The following EXT2 variants were observed in gnomAD, a reference collection of about 807,000 sequenced individuals.
EXT2 encodes exostosin glycosyltransferase 2, also known as exostosin-2.
In EXT2, 53 loss-of-function variants were observed where a neutral mutation model predicts 81.6. The ratio of observed to expected loss-of-function variants is 0.65; its 90% CI spans 0.52 to 0.82. EXT2 has a LOEUF of 0.82. EXT2 is among the 40% of genes least tolerant of loss of function. The pLI, the probability that EXT2 is intolerant of heterozygous loss-of-function variation, is 0.00. For missense variants in EXT2, 774 were observed against 910.2 expected (o/e 0.85, Z 1.93); for synonymous variants, 320 against 340.0 (o/e 0.94, Z 0.65).
In EXT2 at chr11:44,250,811, T is replaced by C. The variant is rs891053378; in HGVS notation, c.*6524T>C. On this transcript the variant is annotated 3_prime_UTR_variant, in exon 14 of 14. Transcript: ENST00000533608. ...GGCTTAATTTCAATAGAAAGGGTTA[T>C]ATGCAACCCTGTATCTGCTGATTTT... Among the ~76,000 whole-genome samples, 1 of 152,234 alleles carries C rather than the reference T, an allele frequency of 6.6e-6. No individual in the cohort carries two copies. The highest frequency in any genetic ancestry group is 1.9e-4 in the East Asian group (1 of 5,196).
rs764011677 is a variant in EXT2, at chr11:44,107,724, G to A, written c.12G>A (p.Ser4=). 1.4e-5 allele frequency: 22 copies of A among 1,614,118 alleles called. No individual in the cohort carries two copies. The highest frequency in any genetic ancestry group is 1.8e-5 in the Non-Finnish European group (21 of 1,180,014). The change falls in exon 2 of 14, where the codon TCG becomes TCA. Residue 4 remains serine (S), a synonymous_variant. Coordinates refer to ENST00000533608, the MANE Select transcript of EXT2 (RefSeq NM_207122.2). Reference sequence around the variant, plus strand: ...CTGTCTGTGTCATTATGTGTGCGTCGGTCAAGTATAATATCCGGGGTCCTG... The same window carrying A: ...CTGTCTGTGTCATTATGTGTGCGTCAGTCAAGTATAATATCCGGGGTCCTG... MCA[S]VKYNIRGPAL...
chr11:44,223,127 A>C (rs1598078), intron 10 of EXT2, among the ~76,000 whole-genome samples: 4 of 152,036 alleles, frequency 2.6e-5, no homozygotes, highest in African/African-American at 9.7e-5. Context: ...AAATACAAAC[A>C]GCAAATGCCA....
At chr11:44,184,380 T>G (rs541331938) in intron 8 of EXT2, among the ~76,000 whole-genome samples, 1 of 152,326 alleles carries the variant, frequency 6.6e-6, no homozygotes, top group Admixed American at 6.5e-5. Context: ...TTAAAGTAAG[T>G]GCTCTTTCCA....
Position 44,206,816 on chromosome 11 carries a change from G to A in EXT2, c.1519G>A (p.Val507Ile), listed in dbSNP as rs567445428. 1.1e-4 allele frequency: 181 copies of A among 1,613,978 alleles called. 1 individual carries two copies. In the South Asian group the frequency reaches 1.9e-3, roughly 17 times the overall value. ...AGATTCTCTCTGGCCCAAAATCCGG[G>A]TTCCATTAAAAGTTGTGAGGACTGC... The part of the protein sequence containing the change: ...PEDSLWPKIR[V>I]PLKVVRTAEN... Residue 507 changes from valine to isoleucine, a missense_variant, in exon 10 of 14, where the codon GTT becomes ATT. Physicochemically the swap from Val to Ile is conservative, Grantham distance 29. This residue lies in a region of EXT2 where 626 missense variants were observed against 670.5 expected (regional missense o/e 0.93). Coordinates refer to ENST00000533608, the MANE Select transcript of EXT2 (RefSeq NM_207122.2).
In EXT2 at chr11:44,198,045, C is replaced by A. The variant is rs202210932; in HGVS notation, c.1495+27C>A. 1.1e-4 allele frequency: 183 copies of A among 1,612,734 alleles called. 1 individual carries two copies. In the African/African-American group the frequency reaches 2.2e-3, roughly 20 times the overall value. On this transcript the variant is annotated intron_variant, in intron 9 of 13. Coordinates refer to ENST00000533608, the MANE Select transcript of EXT2 (RefSeq NM_207122.2). ...TAAGAAGCCTTAGTGCCTCTCTCAG[C>A]TGGATCAATTTTGGATGGCCAAATT... is the stretch of plus-strand genomic sequence containing the variant.
chr11:44,115,458 G>T (rs1445836784), intron 4 of EXT2, among the ~76,000 whole-genome samples: 4 of 152,174 alleles, frequency 2.6e-5, no homozygotes, highest in African/African-American at 9.7e-5. Context: ...TGTGCAGCAT[G>T]GATGTAACCT....
At chr11:44,147,218 C>A (rs1385326024) in intron 7 of EXT2, among the ~76,000 whole-genome samples, 2 of 152,144 alleles carry the variant, frequency 1.3e-5, no homozygotes, top group Non-Finnish European at 1.5e-5. Flanking sequence ...AAGAAGAAAT[C>A]TTTTCAGCAA....
chr11:44,097,209 A>G (rs542900500), intron 1 of EXT2, among the ~76,000 whole-genome samples: 1 of 152,360 alleles, frequency 6.6e-6, no homozygotes, highest in Non-Finnish European at 1.5e-5. Context: ...AGACCCTGGC[A>G]TGTAGTAAGT....
chr11:44,114,055 T>C, intron 3 of EXT2, 130 bp from the exon 4 acceptor site: 2 of 848,260 alleles, frequency 2.4e-6, no homozygotes, highest in Non-Finnish European at 4.0e-6. Context: ...ATTGTCTTTA[T>C]AGAAAACTGA....
At chr11:44,183,832 A>G (rs1306831984) in intron 8 of EXT2, among the ~76,000 whole-genome samples, 1 of 152,026 alleles carries the variant, frequency 6.6e-6, no homozygotes, top group African/African-American at 2.4e-5. Flanking sequence ...TTTTTCTCAC[A>G]TTTTTAATTC....
At chr11:44,212,846 C>T (rs868700511) in intron 10 of EXT2, among the ~76,000 whole-genome samples, 24 of 151,948 alleles carry the variant, frequency 1.6e-4, no homozygotes, top group Admixed American at 2.6e-4. Context: ...TGTATGACTC[C>T]GTGTATATGA....
intron 8 of EXT2, among the ~76,000 whole-genome samples, chr11:44,186,512 C>A (rs1195852237): frequency 6.6e-6 from 1 of 152,178 alleles, no homozygotes; most frequent in Non-Finnish European, 1.5e-5. Context: ...CAATCAGTGG[C>A]AACCTTTCTT....
At chr11:44,124,250 T>C (rs549720631) in intron 4 of EXT2, among the ~76,000 whole-genome samples, 1 of 152,290 alleles carries the variant, frequency 6.6e-6, no homozygotes, top group East Asian at 1.9e-4. Flanking sequence ...GCCTCTCCAT[T>C]GCACAGGGAT....
At chr11:44,210,983 C>T (rs147983040) in intron 10 of EXT2, among the ~76,000 whole-genome samples, 133 of 152,260 alleles carry the variant, frequency 8.7e-4, no homozygotes, top group African/African-American at 3.2e-3. Context: ...ACACATCAGA[C>T]CTGAAAAAGT....
chr11:44,240,877 C>G (rs1956028934), intron 13 of EXT2, among the ~76,000 whole-genome samples: 1 of 152,204 alleles, frequency 6.6e-6, no homozygotes, highest in Non-Finnish European at 1.5e-5. Flanking sequence ...CTTCCCTCCC[C>G]CTGTCTTTGG....
At chr11:44,128,827 A>G (rs966472177) in intron 6 of EXT2, among the ~76,000 whole-genome samples, 3 of 152,190 alleles carry the variant, frequency 2.0e-5, no homozygotes, top group Admixed American at 6.5e-5. Context: ...TCCCATCTGT[A>G]TAGTGGAAAT....
At chr11:44,193,004 G>A (rs1955412350) in intron 8 of EXT2, among the ~76,000 whole-genome samples, 2 of 152,170 alleles carry the variant, frequency 1.3e-5, no homozygotes, top group Non-Finnish European at 2.9e-5. Context: ...TAAAAAACAA[G>A]TTTTGATTGA....
At chr11:44,219,172 A>T (rs1955754759) in intron 10 of EXT2, among the ~76,000 whole-genome samples, 1 of 152,194 alleles carries the variant, frequency 6.6e-6, no homozygotes, top group African/African-American at 2.4e-5. Context: ...AATAGAAATG[A>T]CATATCCTAG....
At chr11:44,217,832 A>G (rs1443137305) in intron 10 of EXT2, among the ~76,000 whole-genome samples, 1 of 152,226 alleles carries the variant, frequency 6.6e-6, no homozygotes, top group Non-Finnish European at 1.5e-5. Flanking sequence ...GGCTGAATGT[A>G]TGAATCTGTG....
Sources: gnomAD v4.1 joint callset for allele counts (sites outside exome capture counted in the v4.1 genomes callset) on GRCh38, gnomAD v4.1.1 for gene constraint, gnomAD v4.1.1 regional missense constraint, MANE v1.5 for transcripts, NCBI Gene and HGNC (gene_info 2026-07-23, HGNC 2026-07-21) for gene names.